ATRN: variants seen among roughly 807,000 people sequenced by gnomAD.
The protein encoded by ATRN is attractin-2.
ATRN carries 54 observed loss-of-function variants against 178.7 expected under a neutral mutation model. The ratio of observed to expected loss-of-function variants is 0.30; its 90% CI spans 0.24 to 0.38. The LOEUF (loss-of-function observed/expected upper bound fraction) is 0.38. ATRN is among the 10% of genes least tolerant of loss of function. The probability of loss-of-function intolerance (pLI) is 1.00; values close to 1 mark genes in which losing one functional copy is unlikely to be tolerated. For synonymous variants in ATRN, 636 were observed against 663.0 expected (o/e 0.96, Z 0.63); for missense variants, 1,443 against 1,815.1 (o/e 0.79, Z 3.73).
chr20:3,620,286 C>T (rs995426978), intron 24 of ATRN, among the ~76,000 whole-genome samples: 1 of 151,870 alleles, frequency 6.6e-6, no homozygotes, highest in Non-Finnish European at 1.5e-5. Context: ...GCTCTGTCAC[C>T]CAGGCTGGAG....
chr20:3,644,386 A>G (rs1403566956), intron 28 of ATRN, 118 bp downstream of exon 28: 1 of 832,818 alleles, frequency 1.2e-6, no homozygotes, highest in Non-Finnish European at 1.9e-6. Context: ...GTGCCTGCCC[A>G]TGCCATGGCA....
chr20:3,519,537 G>A (rs150076271), intron 1 of ATRN, among the ~76,000 whole-genome samples: 146 of 152,198 alleles, frequency 9.6e-4, no homozygotes, highest in African/African-American at 3.4e-3. Context: ...AAAGAAACTT[G>A]GAGGAGAAAT....
At chr20:3,551,777 A>C (rs891739972) in intron 6 of ATRN, among the ~76,000 whole-genome samples, 8 of 152,082 alleles carry the variant, frequency 5.3e-5, no homozygotes, top group South Asian at 2.1e-4. Context: ...TTGAAAGATA[A>C]AGGTCAGAAA....
Position 3,628,793 on chromosome 20 carries a change from C to T in ATRN, c.3863+4221C>T, listed in dbSNP as rs74695485. ...ATCAACCAACTGACTGCTTCATGAG[C>T]GAGACTCTTCCAGCCGTCTCTGACC... is the stretch of plus-strand genomic sequence containing the variant. On this transcript the variant is annotated intron_variant, in intron 25 of 28. Transcript: ENST00000262919. 2,797 of 706,380 alleles carry T rather than the reference C, an allele frequency of 4.0e-3. 65 individuals carry two copies. In the African/African-American group the frequency reaches 0.049, roughly 12 times the overall value. 43.8% of individuals were successfully genotyped at this position (706,380 alleles called of 1,614,324 possible).
At chr20:3,567,016 A>T (rs235567) in intron 11 of ATRN, among the ~76,000 whole-genome samples, 115,410 of 151,988 alleles carry the variant, frequency 0.76, 44,230 homozygotes, top group East Asian at 1. Flanking sequence ...GTGCTATCTT[A>T]TATAAGGTAA....
intron 1 of ATRN, among the ~76,000 whole-genome samples, chr20:3,514,667 A>G (rs2085181897): frequency 6.6e-6 from 1 of 152,228 alleles, no homozygotes; most frequent in East Asian, 1.9e-4. Flanking sequence ...AGGAATGGAA[A>G]ATACTTCCTT....
intron 8 of ATRN, 130 bp downstream of exon 8, chr20:3,561,035 C>G: frequency 8.0e-7 from 1 of 1,253,732 alleles, no homozygotes. Flanking sequence ...ATAGTAAACA[C>G]TGGGCCCAGG....
At chr20:3,570,751 G>A (rs1341118305) in intron 11 of ATRN, among the ~76,000 whole-genome samples, 1 of 152,120 alleles carries the variant, frequency 6.6e-6, no homozygotes, top group Admixed American at 6.6e-5. Flanking sequence ...TCTTCATCCA[G>A]ACATGAAATT....
In ATRN at chr20:3,572,642, C is replaced by T. The variant is rs543941057; in HGVS notation, c.1872-89C>T. ...GACTAGCCTGGGCAACAGAGTAAGA[C>T]CCTGTCTCTTAAAAAAAAAAAAAAA... On this transcript the variant is annotated intron_variant, in intron 11 of 28. Transcript: ENST00000262919. 3.5e-5 allele frequency: 39 copies of T among 1,107,206 alleles called. No individual in the cohort carries two copies. The South Asian group carries it at 5.9e-4, about 17-fold the overall frequency. The allele number at this position is 1,107,206 out of a possible 1,614,324, so 68.6% of individuals were successfully genotyped here. A position where few individuals can be genotyped will look rare whatever the true frequency, so the allele number is the denominator to read the frequency against.
Position 3,596,368 on chromosome 20 carries a change from C to T in ATRN, c.3417-9C>T. 6.2e-7 allele frequency: 1 copy of T among 1,603,798 alleles called. No homozygotes were observed. The highest frequency in any genetic ancestry group is 1.1e-5 in the South Asian group (1 of 90,384). Reference sequence around the variant, plus strand: ...ATAGCAGTATAAAATAGTCTTTTTTCCCCCCCAGATGTGAGGTAGAAAATC... The same window carrying T: ...ATAGCAGTATAAAATAGTCTTTTTTTCCCCCCAGATGTGAGGTAGAAAATC... On this transcript the variant is annotated splice_polypyrimidine_tract_variant and intron_variant, in intron 20 of 28. Transcript: ENST00000262919.
chr20:3,629,022 C>T (rs2146319104), intron 25 of ATRN: 1 of 985,360 alleles, frequency 1.0e-6, no homozygotes, highest in South Asian at 4.7e-5. Context: ...CCCCACCTCA[C>T]TAACTGGCAA....
intron 1 of ATRN, chr20:3,489,728 C>T: frequency 6.4e-7 from 1 of 1,570,688 alleles, no homozygotes; most frequent in African/African-American, 1.4e-5. Flanking sequence ...TGCCCAAACA[C>T]CTCATGCCAT....
At chr20:3,594,908 A>G (rs1372954789) in intron 20 of ATRN, among the ~76,000 whole-genome samples, 2 of 152,188 alleles carry the variant, frequency 1.3e-5, no homozygotes, top group Admixed American at 1.3e-4. Flanking sequence ...ACTCTTTCCC[A>G]AAGAGTAGAG....
chr20:3,581,601 T>TAGTGAACATTTTGGC (rs1396535092), intron 15 of ATRN, among the ~76,000 whole-genome samples: 3 of 151,964 alleles, frequency 2.0e-5, no homozygotes, highest in South Asian at 4.1e-4. Context: ...CAAAATGCTC[T>TAGTGAACATTTTGGC]AGTGAACATT....
chr20:3,486,115 G>A (rs1160762861), intron 1 of ATRN, among the ~76,000 whole-genome samples: 3 of 152,086 alleles, frequency 2.0e-5, no homozygotes, highest in African/African-American at 7.2e-5. Context: ...TTCAAAGTCA[G>A]CTGTCAGTCT....
chr20:3,475,275 G>C (rs2084509153), intron 1 of ATRN, among the ~76,000 whole-genome samples: 2 of 152,128 alleles, frequency 1.3e-5, no homozygotes, highest in South Asian at 4.1e-4. Context: ...TAATTGAAGG[G>C]AACGTAGGCT....
Position 3,615,557 on chromosome 20 carries a change from CTTTTTTT to C in ATRN, c.3802-8945_3802-8939del, listed in dbSNP as rs553919921. Among the ~76,000 whole-genome samples the C allele has an allele frequency of 8.9e-3, 1,182 of 133,250 alleles. 15 individuals are homozygous for C. The highest frequency in any genetic ancestry group is 0.047 in the Middle Eastern group (12 of 254). 87.4% of individuals were successfully genotyped at this position (133,250 alleles called of 152,430 possible). A position where few individuals can be genotyped will look rare whatever the true frequency, so the allele number is the denominator to read the frequency against. On this transcript the variant is annotated intron_variant, in intron 24 of 28. Coordinates refer to ENST00000262919, the MANE Select transcript of ATRN (RefSeq NM_139321.3). ...TTAATTCTTTTCTTTTTTCTTTTTT[CTTTTTTT>C]TTTTTTTTGGAGACAGAGTCTCACT...
intron 1 of ATRN, among the ~76,000 whole-genome samples, chr20:3,500,384 C>T (rs553518566): frequency 2.0e-5 from 3 of 152,162 alleles, no homozygotes; most frequent in African/African-American, 7.2e-5. Context: ...GACACATGCA[C>T]ACGTATGTTT....
chr20:3,515,191 A>G (rs2085190158), intron 1 of ATRN, among the ~76,000 whole-genome samples: 1 of 152,236 alleles, frequency 6.6e-6, no homozygotes, highest in Non-Finnish European at 1.5e-5. Flanking sequence ...AAGGAAAAAT[A>G]GAATTTTTTA....
Sources: allele counts gnomAD v4.1 joint callset (sites outside exome capture counted in the v4.1 genomes callset), GRCh38; gene constraint gnomAD v4.1.1; transcripts MANE v1.5; gene names NCBI Gene and HGNC (gene_info 2026-07-23, HGNC 2026-07-21).